Variants in DPH6 observed in about 807,000 individuals in gnomAD.
The protein encoded by DPH6 is diphthamine biosynthesis 6.
DPH6 carries 33 observed loss-of-function variants against 38.2 expected under a neutral mutation model. The ratio of observed to expected loss-of-function variants is 0.86; its 90% confidence interval spans 0.65 to 1.15. The LOEUF (loss-of-function observed/expected upper bound fraction) is 1.15. Among genes scored for constraint, DPH6 ranks in the 50% most tolerant of loss-of-function variants. The probability of loss-of-function intolerance (pLI) is 0.00; values close to 1 mark genes in which losing one functional copy is unlikely to be tolerated. For synonymous variants in DPH6, 108 were observed against 103.0 expected (o/e 1.05, Z -0.30); for missense variants, 325 against 320.0 (o/e 1.02, Z -0.12).
At chr15:35,156,387 T>C in the DPH6 span, among the ~76,000 whole-genome samples, 122 of 152,232 alleles carry the variant, frequency 8.0e-4, no homozygotes, top group African/African-American at 2.9e-3. Context: ...TAGTATGATA[T>C]AAAAAAAGAG....
intron 5 of DPH6, among the ~76,000 whole-genome samples, chr15:35,449,795 T>C (rs2053907987): frequency 6.6e-6 from 1 of 152,176 alleles, no homozygotes; most frequent in South Asian, 2.1e-4. Context: ...TCAGCAAGAA[T>C]ACAGTAGCTT....
intron 3 of DPH6, among the ~76,000 whole-genome samples, chr15:35,294,337 T>C (rs576078230): frequency 6.6e-6 from 1 of 152,272 alleles, no homozygotes; most frequent in South Asian, 2.1e-4. Flanking sequence ...TCCCCTAAAT[T>C]TCCATCTCAT....
At chr15:35,400,150 G>T (rs771104414) in intron 6 of DPH6, among the ~76,000 whole-genome samples, 14 of 152,232 alleles carry the variant, frequency 9.2e-5, no homozygotes, top group Non-Finnish European at 1.9e-4. Context: ...GGCAATGAGT[G>T]TAGCGCTGAA....
chr15:35,487,497 A>T (rs2054420077), intron 3 of DPH6, among the ~76,000 whole-genome samples: 1 of 152,256 alleles, frequency 6.6e-6, no homozygotes, highest in Non-Finnish European at 1.5e-5. Flanking sequence ...CCTCTGAAGC[A>T]ATGGCCTGAG....
intron 3 of DPH6, among the ~76,000 whole-genome samples, chr15:35,527,210 G>T (rs1316542697): frequency 6.6e-6 from 1 of 152,076 alleles, no homozygotes; most frequent in African/African-American, 2.4e-5. Context: ...GACTTTACTA[G>T]ATTATTCTGG....
chr15:35,171,253 C>G, the DPH6 span, among the ~76,000 whole-genome samples: 7 of 152,212 alleles, frequency 4.6e-5, no homozygotes, highest in African/African-American at 1.7e-4. Flanking sequence ...GTTGCAGCAT[C>G]TCTGGGAAGA....
chr15:35,319,314 C>T (rs754500485), intron 3 of DPH6, among the ~76,000 whole-genome samples: 1 of 151,648 alleles, frequency 6.6e-6, no homozygotes, highest in African/African-American at 2.4e-5. Context: ...AATGTAGATG[C>T]TGAAAAAAAA....
chr15:35,333,884 T>C (rs1464655515), intron 3 of DPH6, among the ~76,000 whole-genome samples: 3 of 152,160 alleles, frequency 2.0e-5, no homozygotes, highest in Non-Finnish European at 1.5e-5. Context: ...TAAATGCCCA[T>C]TAGTGATAGA....
At chr15:35,169,575 A>G in the DPH6 span, 1 of 152,146 alleles carries the variant, frequency 6.6e-6, no homozygotes, top group Non-Finnish European at 1.5e-5. Flanking sequence ...TAGACAGTAG[A>G]GCAGTGAAAA....
intron 3 of DPH6, among the ~76,000 whole-genome samples, chr15:35,265,753 T>C (rs2140422432): frequency 6.6e-6 from 1 of 152,354 alleles, no homozygotes; most frequent in African/African-American, 2.4e-5. Flanking sequence ...ACAGGTAAAA[T>C]ATGAAACCAA....
At chr15:35,529,298 C>A (rs538549295) in intron 3 of DPH6, among the ~76,000 whole-genome samples, 9 of 152,290 alleles carry the variant, frequency 5.9e-5, no homozygotes, top group African/African-American at 2.2e-4. Flanking sequence ...GCAAGCACAT[C>A]TTCACATGGC....
intron 3 of DPH6, among the ~76,000 whole-genome samples, chr15:35,285,396 A>G (rs2051934271): frequency 6.6e-6 from 1 of 152,106 alleles, no homozygotes; most frequent in South Asian, 2.1e-4. Context: ...TTCCCATGAT[A>G]GGGAATAAGT....
At chr15:35,484,029 T>G (rs973419760) in intron 3 of DPH6, among the ~76,000 whole-genome samples, 2 of 152,136 alleles carry the variant, frequency 1.3e-5, no homozygotes, top group South Asian at 2.1e-4. Context: ...CATTGAGATA[T>G]GTGAGCAAGA....
chr15:35,335,216 T>C (rs1407202565), intron 3 of DPH6, among the ~76,000 whole-genome samples: 1 of 152,232 alleles, frequency 6.6e-6, no homozygotes, highest in African/African-American at 2.4e-5. Context: ...GGTATGGGTC[T>C]GTTCATGTCC....
intron 6 of DPH6, among the ~76,000 whole-genome samples, chr15:35,397,544 C>T: frequency 6.6e-6 from 1 of 152,076 alleles, no homozygotes; most frequent in South Asian, 2.1e-4. Flanking sequence ...ACCAATTTAT[C>T]AGGACCAAGA....
At chr15:35,281,464 T>C (rs545232707) in intron 3 of DPH6, among the ~76,000 whole-genome samples, 6 of 152,352 alleles carry the variant, frequency 3.9e-5, no homozygotes, top group African/African-American at 1.4e-4. Context: ...AAACATATGC[T>C]AATAATAATT....
chr15:35,411,662 T>C (rs2053368853), intron 5 of DPH6, among the ~76,000 whole-genome samples: 1 of 151,714 alleles, frequency 6.6e-6, no homozygotes, highest in Non-Finnish European at 1.5e-5. Flanking sequence ...AAGTGGGCTA[T>C]GAAATAAATG....
chr15:35,542,219 G>C (rs748257096), intron 2 of DPH6, among the ~76,000 whole-genome samples, 194 bp downstream of exon 2: 1 of 152,032 alleles, frequency 6.6e-6, no homozygotes, highest in East Asian at 1.9e-4. Context: ...CATCTCTATA[G>C]AAGTTGGTTA....
chr15:35,294,624 C>G (rs1305264663), intron 3 of DPH6, among the ~76,000 whole-genome samples: 1 of 152,122 alleles, frequency 6.6e-6, no homozygotes, highest in Non-Finnish European at 1.5e-5. Context: ...TTTGTGTGCA[C>G]CTACTACACA....
Sources: gnomAD v4.1 joint callset for allele counts (sites outside exome capture counted in the v4.1 genomes callset) on GRCh38, gnomAD v4.1.1 for gene constraint, MANE v1.5 for transcripts, NCBI Gene and HGNC (gene_info 2026-07-23, HGNC 2026-07-21) for gene names.